The following SLC6A11 variants were observed in gnomAD, a reference collection of about 807,000 sequenced individuals.
The protein encoded by SLC6A11 is sodium- and chloride-dependent GABA transporter 3.
SLC6A11 carries 25 observed loss-of-function variants against 74.8 expected under a neutral mutation model. The ratio of observed to expected loss-of-function variants is 0.33; its 90% CI spans 0.24 to 0.47. The LOEUF (loss-of-function observed/expected upper bound fraction) is 0.47. Ranked by LOEUF, SLC6A11 falls within the 20% of genes least tolerant of loss-of-function variation. SLC6A11 has a pLI of 1.00. For missense variants in SLC6A11, 574 were observed against 837.0 expected (o/e 0.69, Z 3.88); for synonymous variants, 330 against 330.2 (o/e 1.00, Z 0.01).
At chr3:10,855,430 C>G (rs572891650) in intron 5 of SLC6A11, among the ~76,000 whole-genome samples, 2 of 152,332 alleles carry the variant, frequency 1.3e-5, no homozygotes, top group African/African-American at 2.4e-5. Context: ...CTGTCTTCTA[C>G]TCCTGCAGGA....
At chr3:10,899,390 G>C (rs931377532) in intron 6 of SLC6A11, among the ~76,000 whole-genome samples, 2 of 152,300 alleles carry the variant, frequency 1.3e-5, no homozygotes, top group Non-Finnish European at 2.9e-5. Context: ...TTCACTATCA[G>C]AATTCTGTTT....
At chr3:10,869,459 A>T (rs77746327) in intron 5 of SLC6A11, among the ~76,000 whole-genome samples, 2 of 152,228 alleles carry the variant, frequency 1.3e-5, no homozygotes, top group African/African-American at 4.8e-5. Flanking sequence ...GACTTGGAGG[A>T]ATCCTCTGCC....
Position 10,818,373 on chromosome 3 carries a change from CTT to C in SLC6A11, c.257-1088_257-1087del, listed in dbSNP as rs1694092049. Among the ~76,000 whole-genome samples the C allele has an allele frequency of 3.9e-5, 6 of 152,322 alleles. No homozygotes were observed. The South Asian group carries it at 8.3e-4, about 21-fold the overall frequency. On this transcript the variant is annotated intron_variant, in intron 1 of 13. Transcript: ENST00000254488. ...AGATCCTCTTATCTCCTTTTCCACA[CTT>C]TTTGCTTTCTAATGTAGTTGGGATA... is the stretch of plus-strand genomic sequence containing the variant.
intron 6 of SLC6A11, among the ~76,000 whole-genome samples, chr3:10,888,513 C>T (rs1559572583): frequency 6.6e-6 from 1 of 152,124 alleles, no homozygotes; most frequent in Non-Finnish European, 1.5e-5. Context: ...TGTCTGGCTA[C>T]CTCCAGAAGT....
rs1695483866 is a variant in SLC6A11, at chr3:10,918,175, A to C, written c.996-154A>C. Among the ~76,000 whole-genome samples, 2 of 152,188 alleles carry C rather than the reference A, an allele frequency of 1.3e-5. No individual in the cohort carries two copies. Among genetic ancestry groups the C allele is most frequent in the Non-Finnish European group, 2.9e-5 (2 of 68,034 alleles). ...ATGGGCCAGCCACCTAACCTCTCTGAACCATGAGTGCTCCATCAGAAAAAC... is the reference window on the plus strand; with the variant it reads ...ATGGGCCAGCCACCTAACCTCTCTGCACCATGAGTGCTCCATCAGAAAAAC... On this transcript the variant is annotated intron_variant, in intron 7 of 13. Transcript: ENST00000254488. This position sits in a 1 kb window ranked among gnomAD's most constrained non-coding sequence, Gnocchi z 4.5.
At chr3:10,836,761 C>T (rs759713061) in intron 4 of SLC6A11, among the ~76,000 whole-genome samples, 6 of 152,230 alleles carry the variant, frequency 3.9e-5, no homozygotes, top group Non-Finnish European at 7.3e-5. Context: ...GACCTGGGAA[C>T]TCAGGACATT....
intron 5 of SLC6A11, among the ~76,000 whole-genome samples, chr3:10,861,369 T>C (rs1030271151): frequency 6.6e-6 from 1 of 152,008 alleles, no homozygotes; most frequent in South Asian, 2.1e-4. Flanking sequence ...TTTAAAAAAT[T>C]AGCTGGGCAT....
chr3:10,922,111 T>G (rs1372981946), intron 8 of SLC6A11, among the ~76,000 whole-genome samples: 1 of 152,202 alleles, frequency 6.6e-6, no homozygotes, highest in East Asian at 1.9e-4. Context: ...TGAACAATAC[T>G]ATCAACCACA....
At chr3:10,922,504 C>T (rs547360409) in intron 8 of SLC6A11, among the ~76,000 whole-genome samples, 1 of 152,126 alleles carries the variant, frequency 6.6e-6, no homozygotes, top group South Asian at 2.1e-4. Context: ...AATATGTCTA[C>T]TCATTTGTGC....
intron 6 of SLC6A11, among the ~76,000 whole-genome samples, chr3:10,895,597 G>T (rs1695160946): frequency 6.6e-6 from 1 of 152,164 alleles, no homozygotes; most frequent in Non-Finnish European, 1.5e-5. Context: ...GGGGCCTGTT[G>T]GGGGGATAGC....
At chr3:10,865,025 T>C (rs1360981152) in intron 5 of SLC6A11, among the ~76,000 whole-genome samples, 1 of 152,226 alleles carries the variant, frequency 6.6e-6, no homozygotes, top group Non-Finnish European at 1.5e-5. Flanking sequence ...TTCCTGCCTC[T>C]TTGTCTGTGG....
chr3:10,912,742 C>G (rs1695403820), intron 7 of SLC6A11, among the ~76,000 whole-genome samples: 1 of 152,158 alleles, frequency 6.6e-6, no homozygotes, highest in Non-Finnish European at 1.5e-5. Flanking sequence ...CCTGGCCTCT[C>G]ACACGTGCAG....
chr3:10,940,709 C>T lies in SLC6A11; in HGVS notation c.*2307C>T, dbSNP rs1695814345. ...CATTTTTAAAAATTAAAGAAATGAACAATCAGTGTGGCTATTCCTAGCAAG... is the reference window on the plus strand; with the variant it reads ...CATTTTTAAAAATTAAAGAAATGAATAATCAGTGTGGCTATTCCTAGCAAG... On this transcript the variant is annotated 3_prime_UTR_variant, in exon 14 of 14. Coordinates refer to ENST00000254488, the MANE Select transcript of SLC6A11 (RefSeq NM_014229.3). 6.6e-6 allele frequency: 1 copy of T among 152,148 alleles called. No homozygotes were observed. The highest frequency in any genetic ancestry group is 2.4e-5 in the African/African-American group (1 of 41,428). The allele number at this position is 152,148 out of a possible 1,614,324, so 9.4% of individuals were successfully genotyped here.
At chr3:10,827,317 CT>C (rs1169569844) in intron 4 of SLC6A11, among the ~76,000 whole-genome samples, 1 of 152,210 alleles carries the variant, frequency 6.6e-6, no homozygotes. Flanking sequence ...ACTCCACCCC[CT>C]GAATGCTAGC....
rs1345218352 is a variant in SLC6A11 at position 10,873,564 on chromosome 3, CCTACCCTACCCTACCCTACG to C, written c.757-1393_757-1374del. The stretch of plus-strand genomic sequence containing the variant: ...CCTATCCTATCCTACCCTACCCTAC[CCTACCCTACCCTACCCTACG>C]CTATCCTATCCTATCCTATCCTATG... On this transcript the variant is annotated intron_variant, in intron 5 of 13. Coordinates refer to ENST00000254488, the MANE Select transcript of SLC6A11 (RefSeq NM_014229.3). 8.0e-5 allele frequency among the ~76,000 whole-genome samples: 12 copies of C among 149,664 alleles called. No homozygotes were observed. The East Asian group carries it at 1.2e-3, about 15-fold the overall frequency.
chr3:10,933,347 C>A, intron 11 of SLC6A11, 94 bp downstream of exon 11: 1 of 860,494 alleles, frequency 1.2e-6, no homozygotes. Context: ...TTCTCTGTGG[C>A]TTATCTTGGT....
At chr3:10,864,763 C>T (rs1694743838) in intron 5 of SLC6A11, among the ~76,000 whole-genome samples, 1 of 152,234 alleles carries the variant, frequency 6.6e-6, no homozygotes, top group East Asian at 1.9e-4. Context: ...TCCATAGTGG[C>T]CGCTCTGGCT....
At chr3:10,872,677 T>G (rs1190340442) in intron 5 of SLC6A11, among the ~76,000 whole-genome samples, 12 of 152,124 alleles carry the variant, frequency 7.9e-5, no homozygotes, top group Non-Finnish European at 1.0e-4. Flanking sequence ...ATGAGAGTGT[T>G]TGAGTGAGTG....
At chr3:10,937,530 C>A (rs1223810044) in intron 13 of SLC6A11, among the ~76,000 whole-genome samples, 1 of 152,178 alleles carries the variant, frequency 6.6e-6, no homozygotes, top group African/African-American at 2.4e-5. Context: ...CCAGAAAGGG[C>A]CCCCCAGATC....
Sources: gnomAD v4.1 joint callset for allele counts (sites outside exome capture counted in the v4.1 genomes callset) on GRCh38, gnomAD v4.1.1 for gene constraint, Gnocchi (gnomAD v3.1) non-coding constraint, MANE v1.5 for transcripts, NCBI Gene and HGNC (gene_info 2026-07-23, HGNC 2026-07-21) for gene names.